Variants in CNTN4 observed in about 807,000 individuals in gnomAD.
The protein encoded by CNTN4 is contactin 4.
In CNTN4, 77 loss-of-function variants were observed where a neutral mutation model predicts 122.5. The observed-to-expected ratio is 0.63, with a 90% CI of 0.52 to 0.76. CNTN4 has a LOEUF of 0.76. Among genes scored for constraint, CNTN4 ranks in the 30% least tolerant of loss-of-function variants. The pLI is 0.00. For missense variants in CNTN4, 1,256 were observed against 1,259.1 expected, an observed-to-expected ratio of 1.00 and a Z score of 0.04; for synonymous variants, 512 against 447.0, an observed-to-expected ratio of 1.15 and a Z score of -1.83.
chr3:2,106,969 C>T (rs1460416174), intron 2 of CNTN4, among the ~76,000 whole-genome samples: 2 of 152,188 alleles, frequency 1.3e-5, no homozygotes, highest in Non-Finnish European at 2.9e-5. Flanking sequence ...ACCTTTGCTT[C>T]AGTTCTCGAT....
chr3:2,997,705 C>T (rs1041388090), intron 14 of CNTN4, among the ~76,000 whole-genome samples: 1 of 152,112 alleles, frequency 6.6e-6, no homozygotes, highest in East Asian at 1.9e-4. Flanking sequence ...TGTAGAAGAT[C>T]CATTTCTAAA....
intron 12 of CNTN4, among the ~76,000 whole-genome samples, chr3:2,924,374 A>G (rs2094454382): frequency 3.3e-5 from 5 of 151,780 alleles, no homozygotes; most frequent in African/African-American, 4.8e-5. Flanking sequence ...TTTGTGATTT[A>G]TATTTCAATT....
intron 3 of CNTN4, among the ~76,000 whole-genome samples, chr3:2,341,251 C>T (rs908046302): frequency 3.3e-5 from 5 of 152,162 alleles, no homozygotes; most frequent in African/African-American, 1.2e-4. Context: ...ATACTGAACT[C>T]ATATCCCTGT....
At chr3:3,034,124 G>C (rs964829796) in intron 16 of CNTN4, among the ~76,000 whole-genome samples, 1 of 152,148 alleles carries the variant, frequency 6.6e-6, no homozygotes, top group Non-Finnish European at 1.5e-5. Flanking sequence ...AATGTGCAGA[G>C]CAACACTGTA....
chr3:2,601,806 C>G (rs2081059259), intron 4 of CNTN4, among the ~76,000 whole-genome samples: 1 of 152,062 alleles, frequency 6.6e-6, no homozygotes, highest in Non-Finnish European at 1.5e-5. Flanking sequence ...GAATTTTAGA[C>G]CAAAATCCCT....
intron 2 of CNTN4, among the ~76,000 whole-genome samples, chr3:2,261,309 A>T (rs935353040): frequency 1.1e-4 from 16 of 152,176 alleles, no homozygotes; most frequent in Non-Finnish European, 1.9e-4. Context: ...AATGTCATAC[A>T]CGTTGGTTTC....
chr3:2,152,380 A>G (rs961109571), intron 2 of CNTN4, among the ~76,000 whole-genome samples: 24 of 152,096 alleles, frequency 1.6e-4, no homozygotes, highest in Non-Finnish European at 3.5e-4. Flanking sequence ...GATTGAAACG[A>G]GGTGCCGTCT....
At chr3:2,696,094 G>C (rs1318299717) in intron 4 of CNTN4, among the ~76,000 whole-genome samples, 2 of 152,142 alleles carry the variant, frequency 1.3e-5, no homozygotes, top group South Asian at 2.1e-4. Context: ...CTAATTCTTA[G>C]ATTTTGCCCC....
At chr3:2,288,311 G>T (rs911905267) in intron 2 of CNTN4, among the ~76,000 whole-genome samples, 4 of 152,168 alleles carry the variant, frequency 2.6e-5, no homozygotes, top group African/African-American at 9.7e-5. Context: ...ATTGTGGAAG[G>T]TGAAGGGGAG....
chr3:2,587,591 T>C (rs1407167660), intron 4 of CNTN4, among the ~76,000 whole-genome samples: 2 of 152,214 alleles, frequency 1.3e-5, no homozygotes. Context: ...TAACTAGATA[T>C]AACCAGACTT....
intron 2 of CNTN4, among the ~76,000 whole-genome samples, chr3:2,272,216 C>T (rs1485109370): frequency 6.6e-6 from 1 of 151,928 alleles, no homozygotes; most frequent in Non-Finnish European, 1.5e-5. Flanking sequence ...GTAGCTATTA[C>T]AAGCAAAATA....
chr3:2,859,718 T>C (rs1577075681), intron 7 of CNTN4, among the ~76,000 whole-genome samples: 1 of 152,326 alleles, frequency 6.6e-6, no homozygotes, highest in East Asian at 1.9e-4. Context: ...GTTGAAGCCT[T>C]TCCATTTGCC....
intron 2 of CNTN4, chr3:2,110,653 A>C (rs1291365869): frequency 6.6e-6 from 1 of 152,160 alleles, no homozygotes; most frequent in Non-Finnish European, 1.5e-5. Flanking sequence ...AAAATACACA[A>C]GCTGTTCAAA....
At chr3:2,669,020 G>A (rs1256106265) in intron 4 of CNTN4, among the ~76,000 whole-genome samples, 5 of 152,056 alleles carry the variant, frequency 3.3e-5, no homozygotes, top group Admixed American at 6.6e-5. Flanking sequence ...TTTTTGCATC[G>A]ATGTTCATCA....
rs1246822250 is a variant in CNTN4, at chr3:2,841,270, T to C, written c.454+21689T>C. On this transcript the variant is annotated intron_variant, in intron 7 of 24. Coordinates refer to ENST00000418658, the MANE Select transcript of CNTN4 (RefSeq NM_175607.3). This position sits in a 1 kb window ranked among gnomAD's most constrained non-coding sequence, Gnocchi z 4.8. ...ACCCAGTTTTTCAGATGTGTTAATA[T>C]ATAGTGCAAAGTTTCCAATGTAGTT... is the stretch of plus-strand genomic sequence containing the variant. Among the ~76,000 whole-genome samples, 1 of 152,206 alleles carries C rather than the reference T, an allele frequency of 6.6e-6. No individual in the cohort carries two copies. The highest frequency in any genetic ancestry group is 1.5e-5 in the Non-Finnish European group (1 of 68,034).
In CNTN4 at chr3:2,368,321, A is replaced by C. The variant is rs571967716; in HGVS notation, c.-89+29088A>C. On this transcript the variant is annotated intron_variant, in intron 3 of 24. Transcript: ENST00000418658. ...TGCTGGGATTACAGGCGTGAGCCAC[A>C]GAGCCTGGCCTCTTTTTTTGTTTTA... is the stretch of plus-strand genomic sequence containing the variant. Among the ~76,000 whole-genome samples the C allele has an allele frequency of 1.0e-3, 156 of 152,030 alleles. 1 individual carries two copies. The highest frequency in any genetic ancestry group is 1.5e-3 in the Non-Finnish European group (103 of 67,988).
intron 8 of CNTN4, among the ~76,000 whole-genome samples, chr3:2,872,735 A>G (rs1321288094): frequency 3.3e-5 from 5 of 152,078 alleles, no homozygotes; most frequent in African/African-American, 1.2e-4. Context: ...ATATTTACAT[A>G]CATTGTTAAT....
At chr3:2,933,330 G>C (rs968921512) in intron 13 of CNTN4, among the ~76,000 whole-genome samples, 6 of 152,096 alleles carry the variant, frequency 3.9e-5, no homozygotes, top group African/African-American at 1.4e-4. Flanking sequence ...TTGGTTTTAG[G>C]GCTAGTTTAT....
At chr3:2,502,524 C>T (rs1039977765) in intron 3 of CNTN4, among the ~76,000 whole-genome samples, 1 of 152,114 alleles carries the variant, frequency 6.6e-6, no homozygotes, top group Non-Finnish European at 1.5e-5. Flanking sequence ...TGTCTCTATG[C>T]CTTCCATCCA....
Sources: allele counts gnomAD v4.1 joint callset (sites outside exome capture counted in the v4.1 genomes callset), GRCh38; gene constraint gnomAD v4.1.1; non-coding constraint Gnocchi (gnomAD v3.1); transcripts MANE v1.5; gene names NCBI Gene and HGNC (gene_info 2026-07-23, HGNC 2026-07-21).